Variants in IL23R observed in about 807,000 individuals in gnomAD.
IL23R encodes interleukin 23 receptor.
IL23R carries 34 observed loss-of-function variants against 56.9 expected under a neutral mutation model. That is an observed-to-expected ratio of 0.60 (90% CI 0.45 to 0.80). The LOEUF is 0.80. Among genes scored for constraint, IL23R ranks in the 30% least tolerant of loss-of-function variants. The pLI, the probability that IL23R is intolerant of heterozygous loss-of-function variation, is 0.00. For missense variants in IL23R, 635 were observed against 730.0 expected (o/e 0.87, Z 1.50); for synonymous variants, 230 against 249.2 (o/e 0.92, Z 0.73).
At chr1:67,226,969 A>T (rs910521896) in intron 7 of IL23R, among the ~76,000 whole-genome samples, 1 of 152,102 alleles carries the variant, frequency 6.6e-6, no homozygotes, top group Non-Finnish European at 1.5e-5. Flanking sequence ...CCATCACATC[A>T]CACATGACCC....
chr1:67,224,426 A>G (rs889130035), intron 7 of IL23R, among the ~76,000 whole-genome samples: 1 of 152,262 alleles, frequency 6.6e-6, no homozygotes, highest in Non-Finnish European at 1.5e-5. Flanking sequence ...TTTCTGAATT[A>G]GTCTCTAAGA....
Position 67,195,802 on chromosome 1 carries a change from TA to T in IL23R, c.492-4934del, listed in dbSNP as rs746634632. Among the ~76,000 whole-genome samples, 26 of 152,274 alleles carry T rather than the reference TA, an allele frequency of 1.7e-4. No individual in the cohort carries two copies. In the East Asian group the frequency reaches 2.7e-3, roughly 16 times the overall value. On this transcript the variant is annotated intron_variant, in intron 4 of 10. Transcript: ENST00000347310. ...ATAGTAGCAATAAGTTTATATAAAT[TA>T]TATAAAATATAGAATTTCTATAGTA...
At chr1:67,191,301 C>T (rs1056970336) in intron 4 of IL23R, among the ~76,000 whole-genome samples, 2 of 152,172 alleles carry the variant, frequency 1.3e-5, no homozygotes, top group Non-Finnish European at 2.9e-5. Context: ...ATGAGAAATA[C>T]CACAGCCTCC....
chr1:67,159,424 T>G (rs1227748293), intron 1 of IL23R, among the ~76,000 whole-genome samples: 1 of 152,154 alleles, frequency 6.6e-6, no homozygotes. Flanking sequence ...CTCCTAGTCA[T>G]GCTTCTTGTG....
chr1:67,234,634 A>G (rs1260550978), intron 7 of IL23R, among the ~76,000 whole-genome samples: 1 of 152,026 alleles, frequency 6.6e-6, no homozygotes, highest in Non-Finnish European at 1.5e-5. Context: ...AAAATACTAC[A>G]GCAGCATATG....
chr1:67,167,976 T>C (rs1646893831), intron 1 of IL23R, 116 bp from the exon 2 acceptor site: 1 of 651,840 alleles, frequency 1.5e-6, no homozygotes, highest in Non-Finnish European at 2.7e-6. Context: ...TCTTTCCTTC[T>C]TCCTCCCTAA....
At chr1:67,207,106 C>T (rs1649123522) in intron 6 of IL23R, 51 bp downstream of exon 6, 7 of 1,577,510 alleles carry the variant, frequency 4.4e-6, no homozygotes, top group Admixed American at 1.7e-5. Flanking sequence ...GATTTAAAAG[C>T]CAACCATCAG....
At position 67,200,954 on chromosome 1, in the gene IL23R, T is replaced by C. The variant is rs112297175; in HGVS notation, c.652+57T>C. The C allele has an allele frequency of 1.2e-3, 1,808 of 1,542,650 alleles. 16 individuals carry two copies. The African/African-American group carries it at 0.021, about 18-fold the overall frequency. On this transcript the variant is annotated intron_variant, in intron 5 of 10. Coordinates refer to ENST00000347310, the MANE Select transcript of IL23R (RefSeq NM_144701.3). ...TAATAACCAGTTTGTGCTGACCTTGTCAAATGAGGTCTAGATCTGAAAGAA... is the reference window on the plus strand; with the variant it reads ...TAATAACCAGTTTGTGCTGACCTTGCCAAATGAGGTCTAGATCTGAAAGAA...
At chr1:67,246,200 T>C (rs1020187502) in intron 9 of IL23R, among the ~76,000 whole-genome samples, 1 of 152,192 alleles carries the variant, frequency 6.6e-6, no homozygotes, top group Non-Finnish European at 1.5e-5. Flanking sequence ...TTCTTCTCTC[T>C]TTTCTTCTTT....
Position 67,258,867 on chromosome 1 carries a change from A to C in IL23R, c.1629A>C (p.Thr543=). The stretch of plus-strand genomic sequence containing the variant: ...CAAGTGTGAATTCACTAAGCAACAC[A>C]ATATTTCTTGGAGAATTAAGCCTCA... The part of the protein sequence containing the change: ...SVSSVNSLSN[T]IFLGELSLIL... The change falls in exon 11 of 11, where the codon ACA becomes ACC. Residue 543 remains threonine (T), a synonymous_variant. Transcript: ENST00000347310. 1 of 1,614,108 alleles carries C rather than the reference A, an allele frequency of 6.2e-7. No individual in the cohort carries two copies. The highest frequency in any genetic ancestry group is 8.5e-7 in the Non-Finnish European group (1 of 1,180,018).
intron 1 of IL23R, among the ~76,000 whole-genome samples, chr1:67,141,229 T>A (rs1646634652): frequency 6.6e-6 from 1 of 152,218 alleles, no homozygotes; most frequent in South Asian, 2.1e-4. Flanking sequence ...AAGATAGTTA[T>A]CTTAGGGTGG....
intron 7 of IL23R, 111 bp from the exon 8 acceptor site, chr1:67,236,602 A>G: frequency 1.4e-6 from 1 of 733,500 alleles, no homozygotes; most frequent in Non-Finnish European, 2.5e-6. Flanking sequence ...AGCCCATTAA[A>G]GTTATTGGTT....
chr1:67,160,937 G>T (rs1646813026), intron 1 of IL23R, among the ~76,000 whole-genome samples: 2 of 152,002 alleles, frequency 1.3e-5, no homozygotes, highest in South Asian at 4.2e-4. Flanking sequence ...TTATTGATTG[G>T]CAAGAGTGAA....
chr1:67,190,293 T>G (rs1429761499), intron 4 of IL23R, among the ~76,000 whole-genome samples: 1 of 152,140 alleles, frequency 6.6e-6, no homozygotes, highest in Non-Finnish European at 1.5e-5. Flanking sequence ...AGTTGTAAAG[T>G]AGAATTTTGT....
At chr1:67,200,964 T>C (rs577604838) in intron 5 of IL23R, 67 bp downstream of exon 5, 1 of 1,512,924 alleles carries the variant, frequency 6.6e-7, no homozygotes, top group Non-Finnish European at 9.2e-7. Context: ...TCAAATGAGG[T>C]CTAGATCTGA....
chr1:67,188,005 T>C (rs548373851), intron 4 of IL23R, among the ~76,000 whole-genome samples: 2 of 152,204 alleles, frequency 1.3e-5, no homozygotes, highest in Non-Finnish European at 2.9e-5. Context: ...TGAGCTGAGT[T>C]CATGCCATTG....
intron 9 of IL23R, among the ~76,000 whole-genome samples, chr1:67,248,605 A>G (rs112212756): frequency 2.4e-4 from 36 of 152,080 alleles, no homozygotes; most frequent in African/African-American, 8.4e-4. Context: ...TCTAAAGTCT[A>G]CTTCTGTCAA....
intron 5 of IL23R, among the ~76,000 whole-genome samples, chr1:67,202,133 T>C (rs745585446): frequency 6.6e-6 from 1 of 152,218 alleles, no homozygotes; most frequent in Non-Finnish European, 1.5e-5. Flanking sequence ...CCAGTACCAA[T>C]GATTCCTGTT....
chr1:67,183,095 G>T (rs892909015), intron 4 of IL23R, 136 bp downstream of exon 4: 29 of 1,038,240 alleles, frequency 2.8e-5, no homozygotes, highest in African/African-American at 4.8e-5. Context: ...TCCTACTTAT[G>T]ATCAGTGAAA....
Sources: gnomAD v4.1 joint callset for allele counts (sites outside exome capture counted in the v4.1 genomes callset) on GRCh38, gnomAD v4.1.1 for gene constraint, MANE v1.5 for transcripts, NCBI Gene and HGNC (gene_info 2026-07-23, HGNC 2026-07-21) for gene names.